The following PCBP3 variants were observed in gnomAD, a reference collection of about 807,000 sequenced individuals.
The protein encoded by PCBP3 is poly(rC)-binding protein 3.
PCBP3 carries 25 observed loss-of-function variants against 52.7 expected under a neutral mutation model. That is an observed-to-expected ratio of 0.47 (90% CI 0.35 to 0.66). PCBP3 has a LOEUF of 0.66. Ranked by LOEUF, PCBP3 falls within the 30% of genes least tolerant of loss-of-function variation. PCBP3 has a pLI of 0.01. For missense variants in PCBP3, 391 were observed against 490.3 expected (o/e 0.80, Z 1.91); for synonymous variants, 162 against 183.0 (o/e 0.89, Z 0.93).
At chr21:45,786,210 A>T (rs1460639853) in intron 4 of PCBP3, among the ~76,000 whole-genome samples, 1 of 151,706 alleles carries the variant, frequency 6.6e-6, no homozygotes, top group Non-Finnish European at 1.5e-5. Flanking sequence ...AAAAAAAAAA[A>T]TAGTGCCAGT....
At chr21:45,644,266 G>A (rs772369138) in intron 1 of PCBP3, among the ~76,000 whole-genome samples, 8 of 151,652 alleles carry the variant, frequency 5.3e-5, no homozygotes, top group Non-Finnish European at 1.2e-4. Flanking sequence ...ACACCCCGGA[G>A]CGGCCGCGGC....
chr21:45,802,287 G>A lies in PCBP3; in HGVS notation c.-126+46835G>A, dbSNP rs1421591430. Among the ~76,000 whole-genome samples, 7 of 152,204 alleles carry A rather than the reference G, an allele frequency of 4.6e-5. No individual in the cohort carries two copies. The highest frequency in any genetic ancestry group is 7.2e-5 in the African/African-American group (3 of 41,514). On this transcript the variant is annotated intron_variant, in intron 4 of 17. Transcript: ENST00000681687. This position sits in a 1 kb window ranked among gnomAD's most constrained non-coding sequence, Gnocchi z 5.1. ...GGGGCTGGGGGTGAGCTAGCTGTCC[G>A]GCCCCTGCGTCAGCACCACCCCTTG...
In PCBP3 at chr21:45,890,548, G is replaced by A. The variant is rs551451672; in HGVS notation, c.11-5660G>A. 1.9e-4 allele frequency among the ~76,000 whole-genome samples: 29 copies of A among 151,268 alleles called. No homozygotes were observed. The South Asian group carries it at 3.4e-3, about 18-fold the overall frequency. On this transcript the variant is annotated intron_variant, in intron 5 of 17. Coordinates refer to ENST00000681687, the MANE Select transcript of PCBP3 (RefSeq NM_001384156.1). ...TGTAGATAACAGAACCTGGAACTCC[G>A]CATTGCTGAGGGGAATGTAGATAAT...
intron 4 of PCBP3, among the ~76,000 whole-genome samples, chr21:45,820,143 G>A (rs1375656886): frequency 1.3e-5 from 2 of 152,252 alleles, no homozygotes; most frequent in Non-Finnish European, 2.9e-5. Context: ...GAGTGGCGCT[G>A]GCCTTTTCCT....
chr21:45,809,825 C>G (rs1414507747), intron 4 of PCBP3, among the ~76,000 whole-genome samples: 1 of 152,246 alleles, frequency 6.6e-6, no homozygotes, highest in Non-Finnish European at 1.5e-5. Flanking sequence ...CTTCTGCTCT[C>G]TGGTGTACAA....
chr21:45,866,850 G>A (rs904411414), intron 5 of PCBP3, among the ~76,000 whole-genome samples: 3 of 150,548 alleles, frequency 2.0e-5, no homozygotes, highest in East Asian at 2.0e-4. Flanking sequence ...GCACCGTCAC[G>A]GAGATGCGTG....
chr21:45,924,300 G>A (rs1169805498), intron 13 of PCBP3, among the ~76,000 whole-genome samples: 1,351 of 134,836 alleles, frequency 0.01, no homozygotes, highest in African/African-American at 0.041. Context: ...TGCGAACACC[G>A]GGAACAGTCG....
At chr21:45,834,626 G>A (rs967604785) in intron 4 of PCBP3, among the ~76,000 whole-genome samples, 20 of 152,226 alleles carry the variant, frequency 1.3e-4, no homozygotes, top group African/African-American at 4.6e-4. Context: ...GCAGCCCAGC[G>A]CCTCAGAGGC....
chr21:45,858,806 G>A (rs1055027090), intron 5 of PCBP3: 4 of 152,224 alleles, frequency 2.6e-5, no homozygotes, highest in Non-Finnish European at 5.9e-5. Context: ...GGGACTCAGT[G>A]GGAGGTAAGT....
intron 2 of PCBP3, among the ~76,000 whole-genome samples, chr21:45,710,376 A>T (rs1006132626): frequency 1.3e-5 from 2 of 152,024 alleles, no homozygotes; most frequent in Non-Finnish European, 2.9e-5. Flanking sequence ...TCATTGTTCA[A>T]TTCCCACCTA....
At chr21:45,891,918 A>C (rs747994773) in intron 5 of PCBP3, among the ~76,000 whole-genome samples, 11 of 152,180 alleles carry the variant, frequency 7.2e-5, no homozygotes, top group Admixed American at 2.0e-4. Flanking sequence ...CCTGTCACCC[A>C]GTGGGAGCAG....
intron 2 of PCBP3, among the ~76,000 whole-genome samples, chr21:45,726,724 C>T (rs1010187652): frequency 2.0e-5 from 3 of 152,182 alleles, no homozygotes; most frequent in Non-Finnish European, 2.9e-5. Context: ...CAGTGACCCG[C>T]GTGTGGCTCC....
Position 45,737,858 on chromosome 21 carries a change from C to T in PCBP3, c.-162+2429C>T, listed in dbSNP as rs2086004299. 6.6e-6 allele frequency among the ~76,000 whole-genome samples: 1 copy of T among 152,190 alleles called. No individual in the cohort carries two copies. Among genetic ancestry groups the T allele is most frequent in the Non-Finnish European group, 1.5e-5 (1 of 68,024 alleles). Reference sequence around the variant, plus strand: ...CTTCTCGCTGTGAGATTCTGGGGTGCCATGATGAAGCAGAGCGGAGCTCAT... The same window carrying T: ...CTTCTCGCTGTGAGATTCTGGGGTGTCATGATGAAGCAGAGCGGAGCTCAT... On this transcript the variant is annotated intron_variant, in intron 3 of 17. Coordinates refer to ENST00000681687, the MANE Select transcript of PCBP3 (RefSeq NM_001384156.1). The surrounding 1 kb of genome is among the most constrained non-coding windows in gnomAD (Gnocchi z 4.9).
At chr21:45,882,611 C>T (rs1021797603) in intron 5 of PCBP3, among the ~76,000 whole-genome samples, 8 of 152,108 alleles carry the variant, frequency 5.3e-5, no homozygotes, top group African/African-American at 7.2e-5. Flanking sequence ...AAACCAGTGT[C>T]GTGGAATTTT....
At chr21:45,935,232 A>C in intron 15 of PCBP3, 21 bp from the exon 16 acceptor site, 1 of 1,596,502 alleles carries the variant, frequency 6.3e-7, no homozygotes, top group Non-Finnish European at 8.6e-7. Flanking sequence ...CAGCCTAACC[A>C]TGTCCCCTTG....
chr21:45,769,549 C>T (rs2089676865), intron 4 of PCBP3, among the ~76,000 whole-genome samples: 1 of 152,268 alleles, frequency 6.6e-6, no homozygotes, highest in Non-Finnish European at 1.5e-5. Flanking sequence ...ACCGCCTATC[C>T]AGGCCGGTCT....
In PCBP3 at chr21:45,829,454, C is replaced by T. The variant is rs972163071; in HGVS notation, c.-125-20507C>T. The T allele has an allele frequency of 6.6e-6, 1 of 152,608 alleles. No individual in the cohort carries two copies. The highest frequency in any genetic ancestry group is 1.5e-5 in the Non-Finnish European group (1 of 68,368). 9.5% of individuals were successfully genotyped at this position (152,608 alleles called of 1,614,324 possible). On this transcript the variant is annotated intron_variant, in intron 4 of 17. Coordinates refer to ENST00000681687, the MANE Select transcript of PCBP3 (RefSeq NM_001384156.1). This position sits in a 1 kb window ranked among gnomAD's most constrained non-coding sequence, Gnocchi z 5.2. ...GCTGGGCCTCTCTTTGGCATTCCTC[C>T]TCTCTCTCCTCGGCATTCCTTCTCT...
At chr21:45,861,000 G>A (rs374561472) in intron 5 of PCBP3, among the ~76,000 whole-genome samples, 16 of 152,294 alleles carry the variant, frequency 1.1e-4, no homozygotes, top group African/African-American at 1.7e-4. Flanking sequence ...GGCTCTTGGC[G>A]GCACTGAGCC....
Position 45,914,261 on chromosome 21 carries a change from G to A in PCBP3, c.675+236G>A, listed in dbSNP as rs1260601629. 12 of 626,666 alleles carry A rather than the reference G, an allele frequency of 1.9e-5. 1 individual carries two copies. The highest frequency in any genetic ancestry group is 1.5e-4 in the South Asian group (7 of 45,538). The allele number at this position is 626,666 out of a possible 1,614,324, so 38.8% of individuals were successfully genotyped here. A position where few individuals can be genotyped will look rare whatever the true frequency, so the allele number is the denominator to read the frequency against. On this transcript the variant is annotated intron_variant, in intron 12 of 17. Coordinates refer to ENST00000681687, the MANE Select transcript of PCBP3 (RefSeq NM_001384156.1). ...GAATCATGTTCTCCCTCCCTGACCC[G>A]GGCAGGAAGATCTGGCTCTGCCTAA...
Sources: gnomAD v4.1 joint callset for allele counts (sites outside exome capture counted in the v4.1 genomes callset) on GRCh38, gnomAD v4.1.1 for gene constraint, Gnocchi (gnomAD v3.1) non-coding constraint, MANE v1.5 for transcripts, NCBI Gene and HGNC (gene_info 2026-07-23, HGNC 2026-07-21) for gene names.